The following HPSE2 variants were observed in gnomAD, a reference collection of about 807,000 sequenced individuals.
HPSE2 encodes inactive heparanase-2.
In HPSE2, 38 loss-of-function variants were observed where a neutral mutation model predicts 60.5. The observed-to-expected ratio is 0.63, with a 90% CI of 0.48 to 0.82. The LOEUF (loss-of-function observed/expected upper bound fraction) is 0.82, where lower values mean the gene tolerates loss of function less well. Ranked by LOEUF, HPSE2 falls within the 40% of genes least tolerant of loss-of-function variation. The pLI is 0.00. For missense variants in HPSE2, 713 were observed against 740.4 expected, an observed-to-expected ratio of 0.96 and a Z score of 0.43; for synonymous variants, 295 against 293.2, an observed-to-expected ratio of 1.01 and a Z score of -0.06.
intron 3 of HPSE2, among the ~76,000 whole-genome samples, chr10:98,745,000 A>T (rs1949593315): frequency 6.6e-6 from 1 of 152,174 alleles, no homozygotes; most frequent in Non-Finnish European, 1.5e-5. Context: ...CAGGAGATGG[A>T]GACCATCCTG....
intron 3 of HPSE2, among the ~76,000 whole-genome samples, chr10:99,023,419 C>T (rs1269530796): frequency 6.6e-6 from 1 of 152,110 alleles, no homozygotes. Flanking sequence ...GACTGGGGGA[C>T]ATCACCGACC....
At chr10:99,305,334 C>A in the HPSE2 span, among the ~76,000 whole-genome samples, 1 of 152,170 alleles carries the variant, frequency 6.6e-6, no homozygotes, top group African/African-American at 2.4e-5. Context: ...CAAAGGACCC[C>A]AGGCTCTCAA....
intron 4 of HPSE2, among the ~76,000 whole-genome samples, chr10:98,737,686 C>G (rs544447510): frequency 7.2e-5 from 11 of 152,286 alleles, no homozygotes; most frequent in Admixed American, 5.9e-4. Context: ...CAATAATACA[C>G]AAACACAGAG....
chr10:98,661,731 A>T (rs974983335), intron 6 of HPSE2, among the ~76,000 whole-genome samples: 3 of 152,188 alleles, frequency 2.0e-5, no homozygotes, highest in Non-Finnish European at 2.9e-5. Flanking sequence ...ACTAAACATT[A>T]AGTTGTTTTT....
At chr10:98,783,121 T>G (rs1468760480) in intron 3 of HPSE2, among the ~76,000 whole-genome samples, 1 of 57,724 alleles carries the variant, frequency 1.7e-5, no homozygotes, top group African/African-American at 7.2e-5. Flanking sequence ...CCCCAGAGTG[T>G]GATATTCCCC....
intron 6 of HPSE2, among the ~76,000 whole-genome samples, chr10:98,653,389 T>C (rs188810599): frequency 6.6e-6 from 1 of 152,006 alleles, no homozygotes; most frequent in East Asian, 1.9e-4. Flanking sequence ...TATTATGCTC[T>C]AAGTGTTTTC....
intron 6 of HPSE2, among the ~76,000 whole-genome samples, chr10:98,665,690 T>A (rs148967771): frequency 6.6e-6 from 1 of 152,208 alleles, no homozygotes; most frequent in East Asian, 1.9e-4. Flanking sequence ...CAAACTCAGC[T>A]TCATAAGCAA....
rs1166209703 is a variant in HPSE2 at position 98,721,788 on chromosome 10, A to G, written c.825T>C (p.Asn275=). 1.7e-5 allele frequency: 27 copies of G among 1,613,610 alleles called. No homozygotes were observed. The highest frequency in any genetic ancestry group is 2.2e-5 in the Non-Finnish European group (26 of 1,179,844). Residue 275 remains asparagine (N), a synonymous_variant, in exon 5 of 12, where the codon AAT becomes AAC. Transcript: ENST00000370552. ...NYRTMHGRAV[N]GSQLGKDYIQ... is the part of the protein sequence containing the mutation. ...TGTAATCCTTTCCCAACTGGCTGCCATTTACTGCCCGGCCATGCATGGTCC... is the reference window on the plus strand; with the variant it reads ...TGTAATCCTTTCCCAACTGGCTGCCGTTTACTGCCCGGCCATGCATGGTCC...
chr10:98,480,931 C>T (rs370326287), intron 11 of HPSE2, among the ~76,000 whole-genome samples: 3 of 152,176 alleles, frequency 2.0e-5, no homozygotes, highest in South Asian at 2.1e-4. Flanking sequence ...CTTCGCTCCA[C>T]AAAAGAGGTT....
chr10:98,493,827 T>C (rs1941741181), intron 9 of HPSE2, among the ~76,000 whole-genome samples: 1 of 152,228 alleles, frequency 6.6e-6, no homozygotes, highest in Admixed American at 6.5e-5. Flanking sequence ...TCTGTCATTT[T>C]GCTGTTTTCT....
intron 3 of HPSE2, among the ~76,000 whole-genome samples, chr10:99,133,945 TA>T (rs1449935895): frequency 1.3e-5 from 2 of 152,170 alleles, no homozygotes; most frequent in Non-Finnish European, 2.9e-5. Context: ...GAGCATGTTC[TA>T]ACCCCATGTA....
At chr10:98,575,460 C>G (rs1020806595) in intron 9 of HPSE2, among the ~76,000 whole-genome samples, 7 of 152,156 alleles carry the variant, frequency 4.6e-5, no homozygotes, top group African/African-American at 1.7e-4. Flanking sequence ...TGCCTGAAGT[C>G]AAACGGTGAA....
intron 3 of HPSE2, among the ~76,000 whole-genome samples, chr10:98,766,664 C>T (rs1429185023): frequency 2.0e-5 from 3 of 152,158 alleles, no homozygotes; most frequent in Admixed American, 1.3e-4. Context: ...GTGACGCATG[C>T]CTGTAATCCC....
chr10:98,963,229 T>G (rs905697298), intron 3 of HPSE2, among the ~76,000 whole-genome samples: 2 of 152,206 alleles, frequency 1.3e-5, no homozygotes. Context: ...ATATTATAAC[T>G]CTTTGTTTTC....
chr10:98,553,558 G>GCACCT (rs1943920546), intron 9 of HPSE2, among the ~76,000 whole-genome samples: 2 of 152,116 alleles, frequency 1.3e-5, no homozygotes, highest in African/African-American at 4.8e-5. Context: ...TCAAGCCTTG[G>GCACCT]CAATGGCCAG....
intron 3 of HPSE2, among the ~76,000 whole-genome samples, chr10:98,998,767 G>C (rs970712294): frequency 9.9e-5 from 15 of 152,132 alleles, no homozygotes; most frequent in Non-Finnish European, 1.6e-4. Context: ...CCAGTACCCA[G>C]AGTTCTGTAC....
chr10:99,136,979 T>C (rs753329478), intron 3 of HPSE2, among the ~76,000 whole-genome samples: 2 of 152,212 alleles, frequency 1.3e-5, no homozygotes, highest in African/African-American at 2.4e-5. Context: ...CATGATTGTA[T>C]ATTTAGAAAA....
chr10:98,920,472 A>G (rs1206005751), intron 3 of HPSE2, among the ~76,000 whole-genome samples: 1 of 152,164 alleles, frequency 6.6e-6, no homozygotes, highest in Middle Eastern at 3.2e-3. Context: ...TACTTTAAGT[A>G]AATGTATTAA....
chr10:98,558,605 A>G (rs573641864), intron 9 of HPSE2, among the ~76,000 whole-genome samples: 2 of 152,340 alleles, frequency 1.3e-5, no homozygotes, highest in East Asian at 1.9e-4. Flanking sequence ...TCAGACAGCA[A>G]TGACTAGAAG....
Sources: gnomAD v4.1 joint callset for allele counts (sites outside exome capture counted in the v4.1 genomes callset) on GRCh38, gnomAD v4.1.1 for gene constraint, MANE v1.5 for transcripts, NCBI Gene and HGNC (gene_info 2026-07-23, HGNC 2026-07-21) for gene names.